Variants in ANO4 observed in about 807,000 individuals in gnomAD.
ANO4 encodes the protein anoctamin-4.
ANO4 carries 69 observed loss-of-function variants against 141.9 expected under a neutral mutation model. The ratio of observed to expected loss-of-function variants is 0.49; its 90% CI spans 0.40 to 0.59. The LOEUF is 0.59. Ranked by LOEUF, ANO4 falls within the 20% of genes least tolerant of loss-of-function variation. The pLI, the probability that ANO4 is intolerant of heterozygous loss-of-function variation, is 0.00. For synonymous variants in ANO4, 350 were observed against 394.3 expected (o/e 0.89, Z 1.33); for missense variants, 894 against 1,162.2 (o/e 0.77, Z 3.36).
intron 14 of ANO4, among the ~76,000 whole-genome samples, chr12:101,072,338 G>A (rs1227773742): frequency 6.6e-6 from 1 of 152,120 alleles, no homozygotes; most frequent in Non-Finnish European, 1.5e-5. Context: ...AACTTGGTTT[G>A]TGGACACATC....
intron 7 of ANO4, among the ~76,000 whole-genome samples, 190 bp downstream of exon 7, chr12:100,975,079 C>T (rs771912966): frequency 8.2e-4 from 124 of 152,074 alleles, no homozygotes; most frequent in Admixed American, 1.0e-3. Context: ...TCCCTCTCCG[C>T]GTCTTCCCAG....
chr12:100,946,483 C>G (rs542102764), intron 5 of ANO4, among the ~76,000 whole-genome samples: 4 of 152,022 alleles, frequency 2.6e-5, no homozygotes, highest in African/African-American at 4.8e-5. Context: ...GAAAGTAGCA[C>G]TGATGGGAAT....
At chr12:100,755,051 A>G (rs2032549562) in intron 3 of ANO4, among the ~76,000 whole-genome samples, 1 of 152,216 alleles carries the variant, frequency 6.6e-6, no homozygotes, top group Admixed American at 6.5e-5. Flanking sequence ...TGTGCATTTT[A>G]TCACAATAAA....
chr12:100,820,722 C>T (rs1385244805), intron 1 of ANO4, among the ~76,000 whole-genome samples: 1 of 152,052 alleles, frequency 6.6e-6, no homozygotes. Context: ...CAGTGGGTTT[C>T]ACCCCAAAGT....
chr12:101,089,978 C>T (rs970620729), intron 17 of ANO4, among the ~76,000 whole-genome samples: 42 of 152,254 alleles, frequency 2.8e-4, no homozygotes, highest in Admixed American at 1.8e-3. Context: ...ATTTATGCAG[C>T]CAACAGACAC....
At chr12:100,836,396 G>T (rs7303590) in intron 1 of ANO4, among the ~76,000 whole-genome samples, 7,143 of 151,880 alleles carry the variant, frequency 0.047, 230 homozygotes, top group Middle Eastern at 0.096. Flanking sequence ...CAACATGCAG[G>T]TTTGTTACAT....
At chr12:100,781,017 G>A (rs1369208983) in intron 3 of ANO4, among the ~76,000 whole-genome samples, 3 of 152,158 alleles carry the variant, frequency 2.0e-5, no homozygotes, top group Middle Eastern at 6.8e-3. Context: ...CATAAATCTA[G>A]TAAATTAAAT....
At chr12:100,784,775 T>C (rs939324048) in intron 3 of ANO4, among the ~76,000 whole-genome samples, 1 of 152,180 alleles carries the variant, frequency 6.6e-6, no homozygotes, top group Non-Finnish European at 1.5e-5. Context: ...TTGACCAGGG[T>C]AAGTGTATTA....
At chr12:101,100,678 A>G (rs1241810406) in intron 22 of ANO4, among the ~76,000 whole-genome samples, 2 of 152,232 alleles carry the variant, frequency 1.3e-5, no homozygotes, top group African/African-American at 4.8e-5. Context: ...AGAATTTGGT[A>G]GTGCTCCAAA....
chr12:101,105,432 A>G (rs2050401680), intron 22 of ANO4, among the ~76,000 whole-genome samples: 1 of 152,380 alleles, frequency 6.6e-6, no homozygotes, highest in East Asian at 1.9e-4. Context: ...CATTTAAAAT[A>G]TAGCCATTTA....
At chr12:100,986,303 G>T (rs116452411) in intron 7 of ANO4, among the ~76,000 whole-genome samples, 1,722 of 152,240 alleles carry the variant, frequency 0.011, 30 homozygotes, top group African/African-American at 0.039. Context: ...CTGAGAACTA[G>T]GAAGGCCAAT....
At chr12:100,767,178 A>G (rs1197893930) in intron 3 of ANO4, among the ~76,000 whole-genome samples, 2 of 152,138 alleles carry the variant, frequency 1.3e-5, no homozygotes, top group African/African-American at 2.4e-5. Context: ...TTTTTATTGA[A>G]GAATTTAATC....
At position 100,733,434 on chromosome 12, in the gene ANO4, T is replaced by C. The variant is rs575133081; in HGVS notation, c.23-340T>C. Among the ~76,000 whole-genome samples the C allele has an allele frequency of 3.3e-5, 5 of 152,320 alleles. No homozygotes were observed. The South Asian group carries it at 1.0e-3, about 32-fold the overall frequency. ...CCAGGAAACCTTACCTGATACTCTTTAGTCTATAGTCTGGGTCAGGCACCC... is the reference window on the plus strand; with the variant it reads ...CCAGGAAACCTTACCTGATACTCTTCAGTCTATAGTCTGGGTCAGGCACCC... On this transcript the variant is annotated intron_variant, in intron 1 of 29. Coordinates refer to the ANO4 transcript ENST00000644049.
At chr12:101,126,764 G>T in intron 26 of ANO4, 115 bp from the exon 27 acceptor site, 1 of 908,428 alleles carries the variant, frequency 1.1e-6, no homozygotes, top group Non-Finnish European at 1.7e-6. Context: ...GCCTCCCCTG[G>T]TCACTTTGCA....
At chr12:100,831,569 G>GCTCCTCAGT (rs1357367766) in intron 1 of ANO4, among the ~76,000 whole-genome samples, 1 of 152,084 alleles carries the variant, frequency 6.6e-6, no homozygotes, top group Non-Finnish European at 1.5e-5. Context: ...AGGGCACTGG[G>GCTCCTCAGT]CTCCTCAGTG....
In ANO4 at chr12:100,901,798, T is replaced by C. The variant is rs2040605499; in HGVS notation, c.13T>C (p.Ser5Pro). The change falls in exon 2 of 28, where the codon TCT becomes CCT. Residue 5 changes from serine (S) to proline (P), a missense_variant. Transcript: ENST00000392977. ...AAGGTCAATAAAAATGGAGGCAAGC[T>C]CTTCTGGAATCACTAATGGAAAAAC... is the stretch of plus-strand genomic sequence containing the variant. Reference protein sequence around the residue: MEASSSGITNGKTKV... With the variant: MEASPSGITNGKTKV... 10 of 1,613,380 alleles carry C rather than the reference T, an allele frequency of 6.2e-6. No individual in the cohort carries two copies. Among genetic ancestry groups the C allele is most frequent in the Non-Finnish European group, 8.5e-6 (10 of 1,179,792 alleles).
intron 3 of ANO4, among the ~76,000 whole-genome samples, chr12:100,748,802 TA>T (rs1347731085): frequency 6.6e-6 from 1 of 152,146 alleles, no homozygotes; most frequent in Non-Finnish European, 1.5e-5. Flanking sequence ...ATATGATTTT[TA>T]AAAAATGGGA....
intron 9 of ANO4, among the ~76,000 whole-genome samples, chr12:101,020,471 A>C (rs1426358520): frequency 6.6e-6 from 1 of 152,208 alleles, no homozygotes; most frequent in Non-Finnish European, 1.5e-5. Context: ...GCAGACAATA[A>C]ACCAATAAGT....
intron 1 of ANO4, among the ~76,000 whole-genome samples, chr12:100,833,428 C>A (rs918684879): frequency 2.0e-5 from 3 of 151,854 alleles, no homozygotes; most frequent in African/African-American, 7.3e-5. Context: ...TGTTTCTTAC[C>A]CAATTCATGT....
Sources: allele counts gnomAD v4.1 joint callset (sites outside exome capture counted in the v4.1 genomes callset), GRCh38; gene constraint gnomAD v4.1.1; transcripts MANE v1.5; gene names NCBI Gene and HGNC (gene_info 2026-07-23, HGNC 2026-07-21).